Variants in GPSM2 observed in about 807,000 individuals in gnomAD.
The protein encoded by GPSM2 is G protein-signaling modulator 2.
A neutral mutation model predicts 78.4 loss-of-function variants in GPSM2; 58 were observed. That is an observed-to-expected ratio of 0.74 (90% CI 0.60 to 0.92). The LOEUF (loss-of-function observed/expected upper bound fraction) is 0.92. Among genes scored for constraint, GPSM2 ranks in the 40% least tolerant of loss-of-function variants. GPSM2 has a pLI of 0.00. For synonymous variants in GPSM2, 224 were observed against 280.2 expected, an observed-to-expected ratio of 0.80 and a Z score of 2.00; for missense variants, 700 against 815.5, an observed-to-expected ratio of 0.86 and a Z score of 1.73.
intron 14 of GPSM2, among the ~76,000 whole-genome samples, chr1:108,927,766 T>G (rs1651236160): frequency 6.6e-6 from 1 of 152,070 alleles, no homozygotes; most frequent in Admixed American, 6.6e-5. Flanking sequence ...GCCCAGGAGT[T>G]CAAGACTAGA....
intron 9 of GPSM2, among the ~76,000 whole-genome samples, chr1:108,903,549 T>A (rs2101439657): frequency 6.6e-6 from 1 of 152,286 alleles, no homozygotes; most frequent in Non-Finnish European, 1.5e-5. Flanking sequence ...AGCATGGTTC[T>A]TAGAATTAAG....
intron 2 of GPSM2, among the ~76,000 whole-genome samples, chr1:108,889,602 C>G (rs925522049): frequency 2.4e-4 from 37 of 152,246 alleles, no homozygotes; most frequent in Middle Eastern, 3.4e-3. Flanking sequence ...GGAATAAATA[C>G]TATTTATTCC....
intron 11 of GPSM2, among the ~76,000 whole-genome samples, chr1:108,918,145 G>A (rs1271434046): frequency 1.3e-5 from 2 of 151,860 alleles, no homozygotes; most frequent in Non-Finnish European, 2.9e-5. Context: ...AATTGGTTTC[G>A]CCTATTGAGA....
intron 9 of GPSM2, 24 bp downstream of exon 9, chr1:108,903,258 T>G: frequency 8.0e-7 from 1 of 1,257,374 alleles, no homozygotes; most frequent in East Asian, 2.3e-5. Context: ...AAAAATGCTG[T>G]CTGTGCTATT....
At chr1:108,918,525 G>A (rs1650451993) in intron 11 of GPSM2, 88 bp from the exon 12 acceptor site, 2 of 932,460 alleles carry the variant, frequency 2.1e-6, no homozygotes, top group African/African-American at 1.6e-5. Context: ...AAATAAGTGA[G>A]TACGTCAGGT....
Position 108,930,029 on chromosome 1 carries a change from A to C in GPSM2, c.*89A>C. On this transcript the variant is annotated 3_prime_UTR_variant, in exon 15 of 15. Transcript: ENST00000264126. ...TTAAAAGGAGAATTTATAGCACTGT[A>C]ATACAGCTTAAAATATTTTTAGAAT... The C allele has an allele frequency of 9.0e-7, 1 of 1,106,798 alleles. No individual in the cohort carries two copies. The highest frequency in any genetic ancestry group is 1.3e-6 in the Non-Finnish European group (1 of 748,130). 68.6% of individuals were successfully genotyped at this position (1,106,798 alleles called of 1,614,324 possible).
intron 8 of GPSM2, 134 bp downstream of exon 8, chr1:108,902,079 C>T (rs1262944070): frequency 4.5e-6 from 3 of 668,084 alleles, no homozygotes; most frequent in Admixed American, 4.4e-5. Context: ...CAGTGATATC[C>T]TCTGTATATC....
chr1:108,908,356 G>A (rs958823260), intron 10 of GPSM2, among the ~76,000 whole-genome samples: 1 of 145,742 alleles, frequency 6.9e-6, no homozygotes, highest in African/African-American at 2.6e-5. Flanking sequence ...GGGCAACAGA[G>A]CGAGACTCTG....
At chr1:108,915,607 A>G (rs55938524) in intron 11 of GPSM2, among the ~76,000 whole-genome samples, 8 of 150,972 alleles carry the variant, frequency 5.3e-5, no homozygotes, top group African/African-American at 1.9e-4. Flanking sequence ...TTGTATTTTT[A>G]GTAAAGACAG....
chr1:108,915,585 C>A (rs1194925941), intron 11 of GPSM2, among the ~76,000 whole-genome samples: 1 of 151,064 alleles, frequency 6.6e-6, no homozygotes, highest in Non-Finnish European at 1.5e-5. Context: ...CACCACCACA[C>A]CCAGCTAATG....
At chr1:108,894,950 T>C (rs1648246082) in intron 2 of GPSM2, among the ~76,000 whole-genome samples, 1 of 152,178 alleles carries the variant, frequency 6.6e-6, no homozygotes, top group Admixed American at 6.5e-5. Context: ...CTAAGGACCC[T>C]TGAAATTTTG....
intron 11 of GPSM2, among the ~76,000 whole-genome samples, chr1:108,915,613 G>A (rs1650148480): frequency 6.6e-6 from 1 of 151,232 alleles, no homozygotes. Flanking sequence ...TTTTAGTAAA[G>A]ACAGGGTTTC....
chr1:108,928,698 TGAAAG>T (rs1651371413), intron 14 of GPSM2, among the ~76,000 whole-genome samples: 1 of 152,052 alleles, frequency 6.6e-6, no homozygotes, highest in Non-Finnish European at 1.5e-5. Context: ...TACTCAAACT[TGAAAG>T]AAAAATTCAG....
intron 12 of GPSM2, among the ~76,000 whole-genome samples, chr1:108,921,553 A>C (rs956458326): frequency 3.3e-5 from 5 of 152,230 alleles, no homozygotes; most frequent in African/African-American, 1.2e-4. Flanking sequence ...GACTATTGCC[A>C]GTGCTCATCT....
intron 12 of GPSM2, among the ~76,000 whole-genome samples, chr1:108,921,042 T>G (rs1342160898): frequency 1.2e-4 from 18 of 152,156 alleles, no homozygotes; most frequent in Admixed American, 1.2e-3. Context: ...GGGATACCAT[T>G]TACTCTGTCC....
chr1:108,907,002 CAGTT>C lies in GPSM2; in HGVS notation c.1192+2753_1192+2756del, dbSNP rs146649839. Among the ~76,000 whole-genome samples, 657 of 152,300 alleles carry C rather than the reference CAGTT, an allele frequency of 4.3e-3. 5 individuals are homozygous for C. The highest frequency in any genetic ancestry group is 0.015 in the African/African-American group (619 of 41,574). ...CGTCGTTCCTCTGTTCAAAACCCTT[CAGTT>C]AGTTCCCATCACACCTAGAACGGAA... On this transcript the variant is annotated intron_variant, in intron 10 of 14. Coordinates refer to ENST00000264126, the MANE Select transcript of GPSM2 (RefSeq NM_013296.5).
chr1:108,922,583 C>A lies in GPSM2; in HGVS notation c.1600+7C>A, dbSNP rs1183337175. On this transcript the variant is annotated splice_region_variant and intron_variant, in intron 13 of 14. Coordinates refer to ENST00000264126, the MANE Select transcript of GPSM2 (RefSeq NM_013296.5). ...CCTAAAATGATGCTAAAAAGTAAGT[C>A]ATCTCTGTTTCTCCCCCGATTTTAA... The A allele has an allele frequency of 1.2e-6, 2 of 1,605,924 alleles. No homozygotes were observed. The highest frequency in any genetic ancestry group is 2.7e-5 in the African/African-American group (2 of 74,624).
At chr1:108,928,076 C>T (rs1050462839) in intron 14 of GPSM2, among the ~76,000 whole-genome samples, 2 of 152,176 alleles carry the variant, frequency 1.3e-5, no homozygotes, top group African/African-American at 4.8e-5. Flanking sequence ...AATTGGACTT[C>T]ATAATTAAAA....
At chr1:108,889,953 G>A (rs918669454) in intron 2 of GPSM2, among the ~76,000 whole-genome samples, 1 of 152,114 alleles carries the variant, frequency 6.6e-6, no homozygotes, top group African/African-American at 2.4e-5. Flanking sequence ...ATGTCATGCT[G>A]TTTTATATTT....
Sources: gnomAD v4.1 joint callset for allele counts (sites outside exome capture counted in the v4.1 genomes callset) on GRCh38, gnomAD v4.1.1 for gene constraint, MANE v1.5 for transcripts, NCBI Gene and HGNC (gene_info 2026-07-23, HGNC 2026-07-21) for gene names.